LRP1B: variants seen among roughly 807,000 people sequenced by gnomAD.
LRP1B encodes LDL receptor related protein 1B, also known as low-density lipoprotein receptor-related protein 1B.
Under a neutral mutation model 556.6 loss-of-function variants are expected in LRP1B, and 217 were observed. The ratio of observed to expected loss-of-function variants is 0.39; its 90% CI spans 0.35 to 0.44. The LOEUF is 0.44. Ranked by LOEUF, LRP1B falls within the 20% of genes least tolerant of loss-of-function variation. LRP1B has a pLI of 1.00. For missense variants in LRP1B, 5,053 were observed against 5,620.8 expected (o/e 0.90, Z 3.23); for synonymous variants, 2,047 against 1,865.8 (o/e 1.10, Z -2.50).
intron 2 of LRP1B, among the ~76,000 whole-genome samples, chr2:141,740,088 C>T (rs899346498): frequency 1.3e-5 from 2 of 152,048 alleles, no homozygotes; most frequent in African/African-American, 4.8e-5. Context: ...CTACTCAAAA[C>T]CATCATTGTT....
intron 29 of LRP1B, among the ~76,000 whole-genome samples, chr2:140,846,455 G>A (rs1338694158): frequency 6.6e-6 from 1 of 152,056 alleles, no homozygotes; most frequent in African/African-American, 2.4e-5. Context: ...TACTCGGGAG[G>A]CTGAGGAAGG....
Position 140,879,661 on chromosome 2 carries a change from C to T in LRP1B, c.4169+4156G>A, listed in dbSNP as rs184666883. On this transcript the variant is annotated intron_variant, in intron 25 of 90. Coordinates refer to ENST00000389484, the MANE Select transcript of LRP1B (RefSeq NM_018557.3). ...AGAATCATTTTTTTCCTATTACTTT[C>T]TCTTTAGATGGTTAAAATGCATTAG... Among the ~76,000 whole-genome samples, 92 of 152,030 alleles carry T rather than the reference C, an allele frequency of 6.1e-4. 3 individuals are homozygous for T. The East Asian group carries it at 0.01, about 17-fold the overall frequency.
At chr2:141,142,914 C>T (rs1366317421) in intron 7 of LRP1B, among the ~76,000 whole-genome samples, 1 of 135,668 alleles carries the variant, frequency 7.4e-6, no homozygotes, top group Admixed American at 7.9e-5. Flanking sequence ...AACAAATTGT[C>T]TGATTACTTT....
At chr2:141,122,461 A>G (rs1002972667) in intron 7 of LRP1B, among the ~76,000 whole-genome samples, 3 of 152,174 alleles carry the variant, frequency 2.0e-5, no homozygotes, top group African/African-American at 7.2e-5. Flanking sequence ...ACACTTCTCA[A>G]AAGAAGACAT....
chr2:141,210,130 C>A (rs908048352), intron 6 of LRP1B, among the ~76,000 whole-genome samples: 2 of 150,974 alleles, frequency 1.3e-5, no homozygotes, highest in African/African-American at 4.9e-5. Flanking sequence ...CATTTTATGA[C>A]CTTGCTTAAT....
chr2:140,276,931 G>C (rs1682696834), intron 84 of LRP1B, among the ~76,000 whole-genome samples: 1 of 151,854 alleles, frequency 6.6e-6, no homozygotes. Flanking sequence ...GAAAATGTAA[G>C]AAATGATGAT....
At chr2:140,264,318 TC>T (rs1682088372) in intron 86 of LRP1B, among the ~76,000 whole-genome samples, 1 of 152,186 alleles carries the variant, frequency 6.6e-6, no homozygotes, top group African/African-American at 2.4e-5. Flanking sequence ...AACCTCTGCC[TC>T]CCGGGTTCAA....
chr2:141,131,211 T>A (rs1701341727), intron 7 of LRP1B, among the ~76,000 whole-genome samples: 1 of 152,054 alleles, frequency 6.6e-6, no homozygotes, highest in East Asian at 1.9e-4. Context: ...TTTCAGGACA[T>A]AACTCCATTG....
At chr2:140,642,847 AAAACAAAC>A (rs200226632) in intron 41 of LRP1B, among the ~76,000 whole-genome samples, 5 of 152,068 alleles carry the variant, frequency 3.3e-5, no homozygotes, top group African/African-American at 4.8e-5. Flanking sequence ...CTGTCTCAGA[AAAACAAAC>A]AAACAAACAA....
chr2:141,650,610 G>A (rs2105378420), intron 2 of LRP1B, among the ~76,000 whole-genome samples: 1 of 152,226 alleles, frequency 6.6e-6, no homozygotes, highest in East Asian at 1.9e-4. Flanking sequence ...TCAATTGCAG[G>A]AGCCCTTTAC....
At chr2:141,022,164 T>G (rs1698083227) in intron 11 of LRP1B, among the ~76,000 whole-genome samples, 1 of 151,700 alleles carries the variant, frequency 6.6e-6, no homozygotes, top group South Asian at 2.1e-4. Context: ...ATTATTATTA[T>G]TCCTGTAATA....
intron 37 of LRP1B, among the ~76,000 whole-genome samples, chr2:140,706,834 T>TC (rs773484150): frequency 5.9e-5 from 9 of 151,404 alleles, no homozygotes; most frequent in Non-Finnish European, 8.8e-5. Context: ...AAAACTTTTT[T>TC]TTTTCCTGTC....
intron 2 of LRP1B, among the ~76,000 whole-genome samples, chr2:141,625,462 A>AT (rs998085261): frequency 2.0e-4 from 31 of 152,052 alleles, no homozygotes; most frequent in African/African-American, 7.2e-4. Flanking sequence ...TACTCCGTAC[A>AT]TTTTTTTCTA....
intron 35 of LRP1B, among the ~76,000 whole-genome samples, chr2:140,751,542 T>C (rs1160707446): frequency 6.6e-6 from 1 of 152,204 alleles, no homozygotes; most frequent in African/African-American, 2.4e-5. Context: ...CATCCCTTGA[T>C]ACCTGAGTTG....
At chr2:140,320,356 G>A (rs991121868) in intron 82 of LRP1B, among the ~76,000 whole-genome samples, 3 of 152,102 alleles carry the variant, frequency 2.0e-5, no homozygotes, top group African/African-American at 7.2e-5. Context: ...TAGACACTGA[G>A]TGCCTTATAA....
At chr2:141,082,514 G>C (rs1699949323) in intron 7 of LRP1B, among the ~76,000 whole-genome samples, 1 of 152,168 alleles carries the variant, frequency 6.6e-6, no homozygotes, top group Non-Finnish European at 1.5e-5. Context: ...AAAACAGCTA[G>C]GGAATAATTA....
chr2:140,815,205 T>G (rs1379042101), intron 31 of LRP1B, among the ~76,000 whole-genome samples: 4 of 151,570 alleles, frequency 2.6e-5, no homozygotes, highest in Non-Finnish European at 5.9e-5. Flanking sequence ...CAGATTCAAG[T>G]GCACTGAGAA....
intron 83 of LRP1B, among the ~76,000 whole-genome samples, chr2:140,311,286 AG>A (rs1027222469): frequency 2.6e-5 from 4 of 151,894 alleles, no homozygotes; most frequent in African/African-American, 9.7e-5. Flanking sequence ...CTACGTGTTC[AG>A]CGAATGACTG....
chr2:141,042,018 G>T lies in LRP1B; in HGVS notation c.1789+6968C>A, dbSNP rs148543886. Among the ~76,000 whole-genome samples the T allele has an allele frequency of 4.6e-5, 7 of 152,154 alleles. No individual in the cohort carries two copies. In the East Asian group the frequency reaches 1.4e-3, roughly 30 times the overall value. ...ACCTAGATATTATTTGGAGGGCATT[G>T]TTCAGCATACCACAGACTCCAAAAT... On this transcript the variant is annotated intron_variant, in intron 11 of 90. Coordinates refer to ENST00000389484, the MANE Select transcript of LRP1B (RefSeq NM_018557.3).
Sources: allele counts gnomAD v4.1 joint callset (sites outside exome capture counted in the v4.1 genomes callset), GRCh38; gene constraint gnomAD v4.1.1; transcripts MANE v1.5; gene names NCBI Gene and HGNC (gene_info 2026-07-23, HGNC 2026-07-21).